ZNF277: variants seen among roughly 807,000 people sequenced by gnomAD.
The protein encoded by ZNF277 is nuclear receptor-interacting factor 4.
In ZNF277, 55 loss-of-function variants were observed where a neutral mutation model predicts 60.7. The ratio of observed to expected loss-of-function variants is 0.91; its 90% confidence interval spans 0.73 to 1.13. The LOEUF is 1.13. Ranked by LOEUF, ZNF277 falls within the 50% of genes most tolerant of loss-of-function variation. ZNF277 has a pLI of 0.00. For synonymous variants in ZNF277, 178 were observed against 179.3 expected (o/e 0.99, Z 0.06); for missense variants, 510 against 523.0 (o/e 0.98, Z 0.24).
chr7:112,286,841 C>A, intron 1 of ZNF277, 32 bp from the exon 2 acceptor site: 1 of 947,878 alleles, frequency 1.1e-6, no homozygotes, highest in Admixed American at 4.1e-5. Flanking sequence ...TTCTTTCTTT[C>A]TTTTTTTTTT....
intron 1 of ZNF277, among the ~76,000 whole-genome samples, chr7:112,242,207 A>G (rs1391901405): frequency 2.6e-5 from 4 of 152,070 alleles, no homozygotes; most frequent in African/African-American, 9.7e-5. Flanking sequence ...ACAATTCAGC[A>G]TCCTTCATGA....
At chr7:112,244,061 TACC>T (rs1316955036) in intron 1 of ZNF277, among the ~76,000 whole-genome samples, 2 of 152,068 alleles carry the variant, frequency 1.3e-5, no homozygotes, top group African/African-American at 2.4e-5. Flanking sequence ...GAAAGTCAAA[TACC>T]ACACGTTCTC....
chr7:112,208,673 G>GTTTTTTTTTTTTT (rs1407981050), intron 1 of ZNF277, among the ~76,000 whole-genome samples: 1 of 56,818 alleles, frequency 1.8e-5, no homozygotes, highest in African/African-American at 5.8e-5. Context: ...TGTATGATTT[G>GTTTTTTTTTTTTT]ATTTTTTTTT....
Position 112,276,766 on chromosome 7 carries a change from A to G in ZNF277, c.92-10107A>G, listed in dbSNP as rs560007448. Among the ~76,000 whole-genome samples, 10 of 152,314 alleles carry G rather than the reference A, an allele frequency of 6.6e-5. No individual in the cohort carries two copies. In the East Asian group the frequency reaches 1.7e-3, roughly 27 times the overall value. On this transcript the variant is annotated intron_variant, in intron 1 of 11. Coordinates refer to ENST00000361822, the MANE Select transcript of ZNF277 (RefSeq NM_021994.3). ...GGTTAACTTTAATGGTGGAGATTTC[A>G]GGCACTGTGATAACCAGATATTAAG...
chr7:112,292,410 A>G (rs565922817), intron 2 of ZNF277, among the ~76,000 whole-genome samples: 2 of 152,338 alleles, frequency 1.3e-5, no homozygotes, highest in Admixed American at 6.5e-5. Context: ...GCTACTGTTA[A>G]GTAGTATGCC....
intron 1 of ZNF277, among the ~76,000 whole-genome samples, chr7:112,277,077 A>ATTTTTTTTTTTT (rs59902516): frequency 2.9e-5 from 3 of 104,440 alleles, no homozygotes; most frequent in Admixed American, 1.2e-4. Context: ...GAATCTGTTG[A>ATTTTTTTTTTTT]TTTTTTTTTT....
chr7:112,254,258 T>C (rs1301160020), intron 1 of ZNF277, among the ~76,000 whole-genome samples: 5 of 152,190 alleles, frequency 3.3e-5, no homozygotes, highest in Non-Finnish European at 7.3e-5. Context: ...AAAATATGGT[T>C]CCCCAGCAGC....
chr7:112,238,342 T>C (rs1790857052), intron 1 of ZNF277, among the ~76,000 whole-genome samples: 1 of 152,138 alleles, frequency 6.6e-6, no homozygotes, highest in South Asian at 2.1e-4. Flanking sequence ...CCAGCACCCA[T>C]GGAAGGAACA....
chr7:112,282,621 C>T (rs752774903), intron 1 of ZNF277, among the ~76,000 whole-genome samples: 7 of 152,212 alleles, frequency 4.6e-5, no homozygotes, highest in Non-Finnish European at 8.8e-5. Context: ...ATTGCTGCTG[C>T]CTCAGACAAG....
At chr7:112,218,483 C>T (rs1340690723) in intron 1 of ZNF277, among the ~76,000 whole-genome samples, 2 of 152,126 alleles carry the variant, frequency 1.3e-5, no homozygotes, top group Non-Finnish European at 2.9e-5. Context: ...GTGGTGAGAA[C>T]ATTTAAGATC....
At chr7:112,235,753 TTTG>T (rs1192797121) in intron 1 of ZNF277, among the ~76,000 whole-genome samples, 2 of 152,014 alleles carry the variant, frequency 1.3e-5, no homozygotes, top group East Asian at 1.9e-4. Flanking sequence ...AAAAGGTTTT[TTTG>T]TTGTTGTTCT....
At chr7:112,334,672 T>C (rs192137861) in intron 7 of ZNF277, among the ~76,000 whole-genome samples, 57 of 152,316 alleles carry the variant, frequency 3.7e-4, no homozygotes, top group Non-Finnish European at 4.4e-5. Flanking sequence ...TGAAAGATAT[T>C]TTTTGTACTT....
chr7:112,285,431 GAA>G (rs1398023222), intron 1 of ZNF277, among the ~76,000 whole-genome samples: 4 of 133,776 alleles, frequency 3.0e-5, no homozygotes, highest in African/African-American at 1.3e-4. Context: ...AAAAAAATAG[GAA>G]ATTTTTTTTT....
intron 4 of ZNF277, among the ~76,000 whole-genome samples, chr7:112,308,296 C>G (rs1792645754): frequency 6.6e-6 from 1 of 151,930 alleles, no homozygotes; most frequent in Non-Finnish European, 1.5e-5. Flanking sequence ...GGGCAGATCA[C>G]TTGAGGCCAG....
intron 1 of ZNF277, among the ~76,000 whole-genome samples, chr7:112,234,881 AT>A (rs1587100970): frequency 1.3e-5 from 2 of 151,840 alleles, no homozygotes; most frequent in East Asian, 3.9e-4. Context: ...TTGTATTTTC[AT>A]TTTTATAACC....
intron 1 of ZNF277, among the ~76,000 whole-genome samples, chr7:112,229,119 A>T (rs12705817): frequency 0.64 from 97,004 of 152,108 alleles, 33,201 homozygotes; most frequent in Non-Finnish European, 0.76. Flanking sequence ...TTTTAAAAGG[A>T]CAAGACATAG....
intron 1 of ZNF277, among the ~76,000 whole-genome samples, chr7:112,259,226 A>T (rs1791389878): frequency 1.3e-5 from 2 of 152,144 alleles, no homozygotes; most frequent in African/African-American, 4.8e-5. Flanking sequence ...AATACAATAA[A>T]TTTTTATATT....
intron 4 of ZNF277, among the ~76,000 whole-genome samples, chr7:112,315,384 A>G (rs552754744): frequency 6.8e-6 from 1 of 147,312 alleles, no homozygotes; most frequent in African/African-American, 2.5e-5. Context: ...TAGATGGGGG[A>G]GCCAGTTGGT....
chr7:112,209,274 A>T (rs1401984749), intron 1 of ZNF277, among the ~76,000 whole-genome samples: 1 of 152,184 alleles, frequency 6.6e-6, no homozygotes, highest in Non-Finnish European at 1.5e-5. Context: ...AAATTGCTGG[A>T]TCAAAGGTTA....
Sources: allele counts gnomAD v4.1 joint callset (sites outside exome capture counted in the v4.1 genomes callset), GRCh38; gene constraint gnomAD v4.1.1; transcripts MANE v1.5; gene names NCBI Gene and HGNC (gene_info 2026-07-23, HGNC 2026-07-21).